Variants in CACNA1E observed in about 807,000 individuals in gnomAD.
The protein encoded by CACNA1E is calcium voltage-gated channel subunit alpha1 E.
Under a neutral mutation model 259.2 loss-of-function variants are expected in CACNA1E, and 40 were observed. That is an observed-to-expected ratio of 0.15 (90% CI 0.12 to 0.20). CACNA1E has a LOEUF of 0.20. Ranked by LOEUF, CACNA1E falls within the 10% of genes least tolerant of loss-of-function variation. The pLI, the probability that CACNA1E is intolerant of heterozygous loss-of-function variation, is 1.00. For synonymous variants in CACNA1E, 1,104 were observed against 1,138.5 expected (o/e 0.97, Z 0.61); for missense variants, 1,874 against 3,040.1 (o/e 0.62, Z 9.02).
intron 7 of CACNA1E, among the ~76,000 whole-genome samples, chr1:181,661,998 T>C (rs576989427): frequency 6.6e-6 from 1 of 152,190 alleles, no homozygotes; most frequent in African/African-American, 2.4e-5. Flanking sequence ...ATGACGGCCA[T>C]GGCACATGTA....
chr1:181,478,758 G>A (rs1301629159), upstream of CACNA1E, among the ~76,000 whole-genome samples: 2 of 152,212 alleles, frequency 1.3e-5, no homozygotes, highest in African/African-American at 4.8e-5. Flanking sequence ...ATGGCCCAAG[G>A]CCTGACAGAT....
intron 6 of CACNA1E, among the ~76,000 whole-genome samples, chr1:181,590,679 G>A (rs903772398): frequency 5.9e-5 from 9 of 152,066 alleles, no homozygotes; most frequent in Non-Finnish European, 4.4e-5. Context: ...CCCAGGAGCT[G>A]GTGGGTGGGT....
intron 14 of CACNA1E, 114 bp from the exon 15 acceptor site, chr1:181,720,669 A>AG: frequency 1.5e-6 from 1 of 679,220 alleles, no homozygotes; most frequent in South Asian, 1.7e-5. Context: ...AGTAGGGAAG[A>AG]GGGGGGTTGT....
chr1:181,634,701 G>A (rs1297489615), intron 6 of CACNA1E, among the ~76,000 whole-genome samples: 1 of 152,144 alleles, frequency 6.6e-6, no homozygotes, highest in Non-Finnish European at 1.5e-5. Flanking sequence ...CTCCAGCAAA[G>A]GCCAGTGACA....
rs1245695323 is a variant in CACNA1E, at chr1:181,762,559, G to T, written c.4606-15G>T. ...TTCCTTTTCTGATGTTCCTATGACTGAATTCATTTGGCAGAACTATTTCCG... is the reference window on the plus strand; with the variant it reads ...TTCCTTTTCTGATGTTCCTATGACTTAATTCATTTGGCAGAACTATTTCCG... On this transcript the variant is annotated splice_polypyrimidine_tract_variant and intron_variant, in intron 32 of 47. Coordinates refer to ENST00000367573, the MANE Select transcript of CACNA1E (RefSeq NM_001205293.3). 2 of 1,498,904 alleles carry T rather than the reference G, an allele frequency of 1.3e-6. No homozygotes were observed. The highest frequency in any genetic ancestry group is 1.4e-5 in the African/African-American group (1 of 72,246). 92.9% of individuals were successfully genotyped at this position (1,498,904 alleles called of 1,614,324 possible).
chr1:181,441,503 G>GCTGTA (rs1553251879), intron 2 of CACNA1E, among the ~76,000 whole-genome samples: 2 of 152,116 alleles, frequency 1.3e-5, no homozygotes, highest in Non-Finnish European at 2.9e-5. Flanking sequence ...CTGGAAGGCT[G>GCTGTA]CTATAGGTTT....
chr1:181,645,132 C>T (rs1029926445), intron 6 of CACNA1E, among the ~76,000 whole-genome samples: 8 of 152,126 alleles, frequency 5.3e-5, no homozygotes, highest in Non-Finnish European at 1.2e-4. Flanking sequence ...TGGCTGATTC[C>T]TGTGGATGGC....
In CACNA1E at chr1:181,412,035, C is replaced by T. The variant is rs12076505; in HGVS notation, c.-14-1098C>T. Among the ~76,000 whole-genome samples, 352 of 152,366 alleles carry T rather than the reference C, an allele frequency of 2.3e-3. 1 individual carries two copies. The highest frequency in any genetic ancestry group is 8.2e-3 in the African/African-American group (341 of 41,576). The stretch of plus-strand genomic sequence containing the variant: ...AGGATGATGTGGACTAAGTCCAGCT[C>T]ATGTTGTTGTGCCTAGTGCCTGGCA... On this transcript the variant is annotated intron_variant, in intron 1 of 11. Transcript: ENST00000524607.
At chr1:181,339,249 G>A (rs1441501041) in intron 1 of CACNA1E, among the ~76,000 whole-genome samples, 3 of 152,046 alleles carry the variant, frequency 2.0e-5, no homozygotes, top group Non-Finnish European at 2.9e-5. Flanking sequence ...ATCACGTTGG[G>A]CAGTGTGACC....
At chr1:181,381,896 C>G (rs551881230) in intron 1 of CACNA1E, among the ~76,000 whole-genome samples, 1 of 152,102 alleles carries the variant, frequency 6.6e-6, no homozygotes, top group Non-Finnish European at 1.5e-5. Flanking sequence ...GAACATATAG[C>G]TGAGAAAACC....
chr1:181,618,291 G>A (rs575874381), intron 6 of CACNA1E, among the ~76,000 whole-genome samples: 65 of 152,314 alleles, frequency 4.3e-4, no homozygotes, highest in Middle Eastern at 3.4e-3. Context: ...TGGGCTGGGC[G>A]TGGTGACTCA....
intron 27 of CACNA1E, among the ~76,000 whole-genome samples, chr1:181,753,837 G>A (rs1558347881): frequency 6.6e-6 from 1 of 152,200 alleles, no homozygotes; most frequent in African/African-American, 2.4e-5. Flanking sequence ...CAGAAGAAAA[G>A]TCACTTCTGA....
At chr1:181,625,335 C>G (rs1288107177) in intron 6 of CACNA1E, among the ~76,000 whole-genome samples, 1 of 152,148 alleles carries the variant, frequency 6.6e-6, no homozygotes, top group Non-Finnish European at 1.5e-5. Flanking sequence ...TTACGATTTT[C>G]TCGTCTCTAG....
At chr1:181,482,351 T>C (rs1446333996), upstream of CACNA1E, among the ~76,000 whole-genome samples, 1 of 152,262 alleles carries the variant, frequency 6.6e-6, no homozygotes, top group Non-Finnish European at 1.5e-5. Context: ...CGCGTGCGTG[T>C]GCGCCCCACG....
At chr1:181,652,796 C>T (rs1345603605) in intron 7 of CACNA1E, among the ~76,000 whole-genome samples, 2 of 152,152 alleles carry the variant, frequency 1.3e-5, no homozygotes, top group African/African-American at 4.8e-5. Context: ...AGTTAGGAGA[C>T]TTAATCTCTG....
At chr1:181,503,920 G>A (rs2102581064) in intron 1 of CACNA1E, among the ~76,000 whole-genome samples, 1 of 152,296 alleles carries the variant, frequency 6.6e-6, no homozygotes, top group Admixed American at 6.5e-5. Flanking sequence ...AGATTCTGAA[G>A]TTACACGGAA....
At chr1:181,607,877 T>G (rs932584750) in intron 6 of CACNA1E, among the ~76,000 whole-genome samples, 18 of 151,894 alleles carry the variant, frequency 1.2e-4, no homozygotes, top group African/African-American at 3.9e-4. Flanking sequence ...TTCAGCTGGG[T>G]TTTGAAGAGG....
chr1:181,389,459 T>A (rs1019092557), intron 1 of CACNA1E, among the ~76,000 whole-genome samples: 1 of 152,068 alleles, frequency 6.6e-6, no homozygotes, highest in South Asian at 2.1e-4. Context: ...GGTCTTGGGG[T>A]TACAAATCAA....
At chr1:181,532,777 A>T (rs746845732) in intron 3 of CACNA1E, among the ~76,000 whole-genome samples, 2 of 152,170 alleles carry the variant, frequency 1.3e-5, no homozygotes, top group Non-Finnish European at 2.9e-5. Context: ...AAACCTTCCC[A>T]AGCAGGGGAT....
Sources: gnomAD v4.1 joint callset for allele counts (sites outside exome capture counted in the v4.1 genomes callset) on GRCh38, gnomAD v4.1.1 for gene constraint, MANE v1.5 for transcripts, NCBI Gene and HGNC (gene_info 2026-07-23, HGNC 2026-07-21) for gene names.